FNIP1: variants seen among roughly 807,000 people sequenced by gnomAD.
FNIP1 encodes folliculin-interacting protein 1.
In FNIP1, 40 loss-of-function variants were observed where a neutral mutation model predicts 124.5. The observed-to-expected ratio is 0.32, with a 90% CI of 0.25 to 0.42. The LOEUF is 0.42. Among genes scored for constraint, FNIP1 ranks in the 10% least tolerant of loss-of-function variants. The probability of loss-of-function intolerance (pLI) is 1.00; values close to 1 mark genes in which losing one functional copy is unlikely to be tolerated. For synonymous variants in FNIP1, 472 were observed against 470.6 expected, an observed-to-expected ratio of 1.00 and a Z score of -0.04; for missense variants, 1,176 against 1,403.7, an observed-to-expected ratio of 0.84 and a Z score of 2.59.
chr5:131,727,038 T>C (rs553202402), intron 3 of FNIP1, among the ~76,000 whole-genome samples: 4 of 152,350 alleles, frequency 2.6e-5, no homozygotes, highest in South Asian at 4.1e-4. Context: ...TCCATTCTTT[T>C]GCATTTGCTG....
At chr5:131,771,080 CCTCCCCA>C (rs1186576036) in intron 1 of FNIP1, among the ~76,000 whole-genome samples, 1 of 152,072 alleles carries the variant, frequency 6.6e-6, no homozygotes, top group Non-Finnish European at 1.5e-5. Flanking sequence ...CAACGCTATC[CCTCCCCA>C]CTCCCCACAA....
At chr5:131,768,290 T>A (rs1277157198) in intron 1 of FNIP1, among the ~76,000 whole-genome samples, 1 of 152,196 alleles carries the variant, frequency 6.6e-6, no homozygotes, top group Non-Finnish European at 1.5e-5. Flanking sequence ...TTACTTAGTA[T>A]TTTTCAGCAA....
intron 1 of FNIP1, among the ~76,000 whole-genome samples, chr5:131,750,734 T>C (rs1358549155): frequency 1.3e-5 from 2 of 151,816 alleles, no homozygotes; most frequent in East Asian, 1.9e-4. Context: ...TGCCCCAGCC[T>C]CCCAATTAGC....
intron 1 of FNIP1, among the ~76,000 whole-genome samples, chr5:131,747,166 A>G (rs1770712083): frequency 6.6e-6 from 1 of 152,178 alleles, no homozygotes; most frequent in African/African-American, 2.4e-5. Flanking sequence ...TAGATTCTGT[A>G]TATTAGACTT....
Position 131,710,667 on chromosome 5 carries a change from T to G in FNIP1, c.623-6A>C, listed in dbSNP as rs527334185. On this transcript the variant is annotated splice_polypyrimidine_tract_variant and splice_region_variant and intron_variant, in intron 6 of 17. Coordinates refer to ENST00000510461, the MANE Select transcript of FNIP1 (RefSeq NM_133372.3). The stretch of plus-strand genomic sequence containing the variant: ...GCTGCAGAACTGTGAAAGACCTACA[T>G]GGCAAAAACGTAAAATACACATGAA... 2.5e-6 allele frequency: 4 copies of G among 1,612,772 alleles called. No homozygotes were observed. The South Asian group carries it at 4.4e-5, about 18-fold the overall frequency.
At chr5:131,655,341 CAAAA>C (rs918062137) in intron 15 of FNIP1, among the ~76,000 whole-genome samples, 7 of 152,002 alleles carry the variant, frequency 4.6e-5, no homozygotes, top group Non-Finnish European at 1.0e-4. Context: ...AGACCCATCT[CAAAA>C]CAAACAAACA....
At chr5:131,709,326 T>C in intron 7 of FNIP1, 54 bp from the exon 8 acceptor site, 1 of 1,449,310 alleles carries the variant, frequency 6.9e-7, no homozygotes, top group Non-Finnish European at 9.7e-7. Flanking sequence ...TTCAGGTGGA[T>C]GAACAGCTCC....
intron 11 of FNIP1, among the ~76,000 whole-genome samples, chr5:131,694,636 G>A (rs186939302): frequency 1.8e-4 from 28 of 152,110 alleles, no homozygotes; most frequent in African/African-American, 3.1e-4. Context: ...TTTTTAGGGC[G>A]GTGAAATTAT....
At chr5:131,648,173 T>TA (rs577945348) in intron 16 of FNIP1, among the ~76,000 whole-genome samples, 79,216 of 113,352 alleles carry the variant, frequency 0.7, 27,485 homozygotes, top group Non-Finnish European at 0.79. Flanking sequence ...CTACAAAAAT[T>TA]AAAAAAAAAA....
chr5:131,724,171 T>A (rs1769774590), intron 3 of FNIP1, among the ~76,000 whole-genome samples: 1 of 152,188 alleles, frequency 6.6e-6, no homozygotes, highest in Non-Finnish European at 1.5e-5. Context: ...AATAAACATA[T>A]GTATCCATGT....
intron 1 of FNIP1, among the ~76,000 whole-genome samples, chr5:131,792,976 T>C (rs1360061635): frequency 6.6e-6 from 1 of 152,196 alleles, no homozygotes; most frequent in African/African-American, 2.4e-5. Context: ...CCTACAAACA[T>C]TTCACTTCAA....
At position 131,644,341 on chromosome 5, in the gene FNIP1, T is replaced by C. The variant is rs1409802841; in HGVS notation, c.*344A>G. ...TGAGCCATTAAATCATGAGACACTGTTGCTATTTATGAGCTGTGACAACAC... is the reference window on the plus strand; with the variant it reads ...TGAGCCATTAAATCATGAGACACTGCTGCTATTTATGAGCTGTGACAACAC... On this transcript the variant is annotated 3_prime_UTR_variant, in exon 18 of 18. Transcript: ENST00000510461. 2 of 162,126 alleles carry C rather than the reference T, an allele frequency of 1.2e-5. No homozygotes were observed. The highest frequency in any genetic ancestry group is 1.3e-4 in the Admixed American group (2 of 15,564). The allele number at this position is 162,126 out of a possible 1,614,324, so 10.0% of individuals were successfully genotyped here.
intron 11 of FNIP1, among the ~76,000 whole-genome samples, chr5:131,693,886 AAAAAAAGCCAACTT>A (rs2149527033): frequency 6.6e-6 from 1 of 152,284 alleles, no homozygotes; most frequent in South Asian, 2.1e-4. Flanking sequence ...AACAATAAGA[AAAAAAAGCCAACTT>A]AAAAAGGACA....
At chr5:131,762,681 T>C (rs2149572779) in intron 1 of FNIP1, among the ~76,000 whole-genome samples, 1 of 152,148 alleles carries the variant, frequency 6.6e-6, no homozygotes. Context: ...CGGAGAACAG[T>C]TTGGAGGTTC....
In FNIP1 at chr5:131,704,280, G is replaced by T; in HGVS notation, c.915-14C>A. 1 of 1,522,974 alleles carries T rather than the reference G, an allele frequency of 6.6e-7. No individual in the cohort carries two copies. Among genetic ancestry groups the T allele is most frequent in the South Asian group, 1.3e-5 (1 of 79,810 alleles). The allele number at this position is 1,522,974 out of a possible 1,614,324, so 94.3% of individuals were successfully genotyped here. A position where few individuals can be genotyped will look rare whatever the true frequency, so the allele number is the denominator to read the frequency against. Reference sequence around the variant, plus strand: ...TCTTCTATAGACCTTAAAAATAAATGATTTTTTATTAATTTACAAAAGTAA... The same window carrying T: ...TCTTCTATAGACCTTAAAAATAAATTATTTTTTATTAATTTACAAAAGTAA... On this transcript the variant is annotated splice_polypyrimidine_tract_variant and intron_variant, in intron 9 of 17. Transcript: ENST00000510461.
intron 1 of FNIP1, among the ~76,000 whole-genome samples, chr5:131,755,838 G>A (rs1771033332): frequency 2.0e-5 from 3 of 151,814 alleles, no homozygotes; most frequent in Non-Finnish European, 4.4e-5. Context: ...GTGAACCCTC[G>A]TCTCTACTAA....
chr5:131,719,182 A>G (rs1398510470), intron 4 of FNIP1, 122 bp from the exon 5 acceptor site: 6 of 1,123,444 alleles, frequency 5.3e-6, no homozygotes, highest in Non-Finnish European at 7.8e-6. Context: ...GCCATGAAGT[A>G]GCATTAAAAC....
chr5:131,682,181 A>T (rs1768108583), intron 11 of FNIP1, among the ~76,000 whole-genome samples: 1 of 152,174 alleles, frequency 6.6e-6, no homozygotes, highest in Non-Finnish European at 1.5e-5. Flanking sequence ...AGACTTTTTC[A>T]TGAGTTTCTT....
Position 131,750,245 on chromosome 5 carries a change from G to A in FNIP1, c.93-5555C>T, listed in dbSNP as rs183015742. ...AATTGATCTAAGCTAGTTAGGGAAC[G>A]TAGTGATGGGACAACAATAACAAAA... On this transcript the variant is annotated intron_variant, in intron 1 of 17. Transcript: ENST00000510461. Among the ~76,000 whole-genome samples the A allele has an allele frequency of 2.6e-5, 4 of 152,264 alleles. No homozygotes were observed. In the East Asian group the frequency reaches 5.8e-4, roughly 22 times the overall value.
Sources: gnomAD v4.1 joint callset for allele counts (sites outside exome capture counted in the v4.1 genomes callset) on GRCh38, gnomAD v4.1.1 for gene constraint, MANE v1.5 for transcripts, NCBI Gene and HGNC (gene_info 2026-07-23, HGNC 2026-07-21) for gene names.